ELP3: variants seen among roughly 807,000 people sequenced by gnomAD.
ELP3 encodes elongator complex protein 3.
Under a neutral mutation model 74.9 loss-of-function variants are expected in ELP3, and 56 were observed. The ratio of observed to expected loss-of-function variants is 0.75; its 90% CI spans 0.60 to 0.93. ELP3 has a LOEUF of 0.93. ELP3 is among the 40% of genes least tolerant of loss of function. The pLI is 0.00. For synonymous variants in ELP3, 222 were observed against 239.8 expected (o/e 0.93, Z 0.68); for missense variants, 573 against 686.5 (o/e 0.83, Z 1.85).
At chr8:28,166,853 C>T (rs905531942) in intron 14 of ELP3, among the ~76,000 whole-genome samples, 6 of 152,214 alleles carry the variant, frequency 3.9e-5, no homozygotes, top group Non-Finnish European at 7.3e-5. Flanking sequence ...CAGATCCAAT[C>T]GTGTGACTGT....
chr8:28,171,120 T>G (rs565735424), intron 14 of ELP3, among the ~76,000 whole-genome samples: 3 of 152,362 alleles, frequency 2.0e-5, no homozygotes, highest in East Asian at 3.9e-4. Flanking sequence ...TTCCACCTTT[T>G]GGCTATTGTC....
rs535625262 is a variant in ELP3, at chr8:28,105,688, T to G, written c.259-1025T>G. On this transcript the variant is annotated intron_variant, in intron 3 of 14. Coordinates refer to ENST00000256398, the MANE Select transcript of ELP3 (RefSeq NM_018091.6). Reference sequence around the variant, plus strand: ...GTCTACCATATGTTGAACACTCTGATTGGCCACAATACCTTTAATTCCACC... The same window carrying G: ...GTCTACCATATGTTGAACACTCTGAGTGGCCACAATACCTTTAATTCCACC... 1.2e-4 allele frequency among the ~76,000 whole-genome samples: 19 copies of G among 152,366 alleles called. No homozygotes were observed. In the South Asian group the frequency reaches 3.9e-3, roughly 32 times the overall value.
chr8:28,118,629 C>A (rs899435646), intron 7 of ELP3, among the ~76,000 whole-genome samples: 1 of 152,152 alleles, frequency 6.6e-6, no homozygotes, highest in Non-Finnish European at 1.5e-5. Context: ...TGAAAAAGAC[C>A]GGTAGTGGGA....
Position 28,137,803 on chromosome 8 carries a change from A to G in ELP3, c.1012A>G (p.Lys338Glu), listed in dbSNP as rs1316960715. The G allele has an allele frequency of 6.2e-7, 1 of 1,614,078 alleles. No homozygotes were observed. Among genetic ancestry groups the G allele is most frequent in the South Asian group, 1.1e-5 (1 of 91,064 alleles). Residue 338 changes from lysine to glutamate, a missense_variant, in exon 10 of 15, where the codon AAG becomes GAG. By Grantham distance (56) the Lys-to-Glu change is moderately conservative. Transcript: ENST00000256398. ...LYELWKSGRY[K>E]SYSPSDLVEL... is the part of the protein sequence containing the mutation. ...TGAGCTTTGGAAATCAGGAAGATAT[A>G]AGAGTTACTCTCCTAGTGACCTGGT...
chr8:28,102,870 C>G (rs1337867162), intron 3 of ELP3, among the ~76,000 whole-genome samples: 1 of 152,102 alleles, frequency 6.6e-6, no homozygotes, highest in Non-Finnish European at 1.5e-5. Flanking sequence ...TTTCACTACC[C>G]TAAAATCTCC....
At chr8:28,115,771 G>A (rs1812105146) in intron 7 of ELP3, among the ~76,000 whole-genome samples, 1 of 152,184 alleles carries the variant, frequency 6.6e-6, no homozygotes, top group South Asian at 2.1e-4. Context: ...CAGAATGTGA[G>A]TGTGTCTGTA....
At chr8:28,094,634 G>GCTGAGGCTGAGC (rs1225890687) in intron 1 of ELP3, among the ~76,000 whole-genome samples, 1 of 152,098 alleles carries the variant, frequency 6.6e-6, no homozygotes, top group Non-Finnish European at 1.5e-5. Flanking sequence ...TGAGGCTGAG[G>GCTGAGGCTGAGC]CTGAGGCAGA....
chr8:28,124,731 A>G (rs891064453), intron 7 of ELP3, among the ~76,000 whole-genome samples: 3 of 152,190 alleles, frequency 2.0e-5, no homozygotes, highest in Non-Finnish European at 4.4e-5. Flanking sequence ...ACAAAATGTT[A>G]TAAGCTGTTT....
intron 14 of ELP3, among the ~76,000 whole-genome samples, chr8:28,180,735 G>A (rs1814975259): frequency 6.6e-6 from 1 of 152,196 alleles, no homozygotes; most frequent in African/African-American, 2.4e-5. Flanking sequence ...TAGTTGTCTA[G>A]GACCAAGGCT....
At chr8:28,109,738 T>C (rs1022679469) in intron 5 of ELP3, among the ~76,000 whole-genome samples, 3 of 152,210 alleles carry the variant, frequency 2.0e-5, no homozygotes, top group Non-Finnish European at 4.4e-5. Context: ...ACAAAGTTTG[T>C]GTTAAGTACT....
At chr8:28,118,044 G>A (rs1430783938) in intron 7 of ELP3, among the ~76,000 whole-genome samples, 1 of 152,148 alleles carries the variant, frequency 6.6e-6, no homozygotes, top group Admixed American at 6.5e-5. Context: ...TTTGCACAGC[G>A]TAGCCCACTG....
chr8:28,165,811 G>A (rs1384648243), intron 14 of ELP3, among the ~76,000 whole-genome samples: 1 of 152,062 alleles, frequency 6.6e-6, no homozygotes, highest in African/African-American at 2.4e-5. Flanking sequence ...TCTTTTTTCT[G>A]TATTTAAAAA....
chr8:28,134,472 G>A (rs1413068062), intron 9 of ELP3, among the ~76,000 whole-genome samples: 1 of 152,090 alleles, frequency 6.6e-6, no homozygotes, highest in Non-Finnish European at 1.5e-5. Flanking sequence ...GTAACAGAAG[G>A]GAGCTAAAAT....
intron 6 of ELP3, among the ~76,000 whole-genome samples, chr8:28,112,245 G>A (rs1811946343): frequency 6.6e-6 from 1 of 152,022 alleles, no homozygotes; most frequent in Non-Finnish European, 1.5e-5. Flanking sequence ...CCTGGTTCAA[G>A]CGATTCTCTT....
intron 7 of ELP3, among the ~76,000 whole-genome samples, chr8:28,122,527 G>C (rs1812413171): frequency 6.6e-6 from 1 of 152,106 alleles, no homozygotes; most frequent in Non-Finnish European, 1.5e-5. Context: ...ATTTTAAAAA[G>C]TTACGTTTTT....
chr8:28,185,772 A>G (rs550888122), intron 14 of ELP3, among the ~76,000 whole-genome samples: 14 of 152,358 alleles, frequency 9.2e-5, no homozygotes, highest in African/African-American at 2.4e-4. Context: ...GACCTAGTCA[A>G]CTGTGCCAGG....
chr8:28,184,081 C>A (rs1242137950), intron 14 of ELP3, among the ~76,000 whole-genome samples: 1 of 152,208 alleles, frequency 6.6e-6, no homozygotes, highest in African/African-American at 2.4e-5. Flanking sequence ...CAGAGCAAGG[C>A]CCTCACCCAG....
intron 14 of ELP3, among the ~76,000 whole-genome samples, chr8:28,178,562 G>T (rs144402031): frequency 4.6e-5 from 7 of 152,126 alleles, no homozygotes; most frequent in African/African-American, 1.7e-4. Context: ...GATAGTTCAC[G>T]ATTTATCCGT....
At chr8:28,173,205 A>G (rs938682520) in intron 14 of ELP3, among the ~76,000 whole-genome samples, 8 of 152,058 alleles carry the variant, frequency 5.3e-5, no homozygotes. Flanking sequence ...AAGGATTGGT[A>G]TTAATTCTTC....
Sources: gnomAD v4.1 joint callset for allele counts (sites outside exome capture counted in the v4.1 genomes callset) on GRCh38, gnomAD v4.1.1 for gene constraint, MANE v1.5 for transcripts, NCBI Gene and HGNC (gene_info 2026-07-23, HGNC 2026-07-21) for gene names.